STX7: variants seen among roughly 807,000 people sequenced by gnomAD.
STX7 encodes syntaxin-7.
In STX7, 34 loss-of-function variants were observed where a neutral mutation model predicts 39.6. That is an observed-to-expected ratio of 0.86 (90% CI 0.65 to 1.14). The LOEUF (loss-of-function observed/expected upper bound fraction) is 1.14, where lower values mean the gene tolerates loss of function less well. STX7 is among the 50% of genes most tolerant of loss of function. The pLI is 0.00. For missense variants in STX7, 284 were observed against 310.4 expected (o/e 0.92, Z 0.64); for synonymous variants, 119 against 99.1 (o/e 1.20, Z -1.19).
chr6:132,484,900 A>G lies in STX7; in HGVS notation c.86-9238T>C, dbSNP rs529816187. On this transcript the variant is annotated intron_variant, in intron 2 of 9. Transcript: ENST00000367941. ...TCTCAGCTGTCATAAACTTTAACCG[A>G]GAACAATATAGGTAGGCACCGTGTA... Among the ~76,000 whole-genome samples the G allele has an allele frequency of 2.3e-4, 35 of 152,330 alleles. 1 individual carries two copies. The highest frequency in any genetic ancestry group is 8.3e-4 in the South Asian group (4 of 4,824).
intron 2 of STX7, among the ~76,000 whole-genome samples, chr6:132,477,804 A>T (rs1456993433): frequency 6.6e-6 from 1 of 152,220 alleles, no homozygotes; most frequent in Non-Finnish European, 1.5e-5. Context: ...ACTGCAGGTT[A>T]TGATGAGGAA....
At chr6:132,497,337 C>A (rs1303960148) in intron 2 of STX7, among the ~76,000 whole-genome samples, 1 of 152,076 alleles carries the variant, frequency 6.6e-6, no homozygotes, top group Non-Finnish European at 1.5e-5. Flanking sequence ...ATTATTGATT[C>A]TATTAGATTA....
chr6:132,471,553 T>C lies in STX7; in HGVS notation c.297A>G (p.Thr99=). The change falls in exon 5 of 10, where the codon ACA becomes ACG. Residue 99 remains threonine, a synonymous_variant. Transcript: ENST00000367941. ...QKDRLVAEFT[T]SLTNFQKVQR... ...GGACCTTCTGGAAGTTTGTCAGTGA[T>C]GTTGTGAACTCTGCCACTAAGCGAT... 6.2e-7 allele frequency: 1 copy of C among 1,614,008 alleles called. No individual in the cohort carries two copies. Among genetic ancestry groups the C allele is most frequent in the Non-Finnish European group, 8.5e-7 (1 of 1,179,914 alleles).
chr6:132,466,304 G>A (rs536111710), intron 8 of STX7, among the ~76,000 whole-genome samples: 2 of 152,224 alleles, frequency 1.3e-5, no homozygotes, highest in Admixed American at 6.5e-5. Flanking sequence ...CTTCTAGGAC[G>A]ATGCATTCAT....
chr6:132,470,234 T>C (rs932767797), intron 6 of STX7, among the ~76,000 whole-genome samples, 187 bp from the exon 7 acceptor site: 4 of 152,196 alleles, frequency 2.6e-5, no homozygotes, highest in African/African-American at 4.8e-5. Flanking sequence ...ATTTCACTTA[T>C]ATCATTTTAG....
chr6:132,489,458 T>G (rs1775224140), intron 2 of STX7, among the ~76,000 whole-genome samples: 1 of 152,162 alleles, frequency 6.6e-6, no homozygotes, highest in African/African-American at 2.4e-5. Flanking sequence ...GTAGAAAAAC[T>G]TCCTGGAGAA....
In STX7 at chr6:132,471,626, A is replaced by T. The variant is rs771466581; in HGVS notation, c.250-26T>A. Reference sequence around the variant, plus strand: ...CTAGAGGAAAGAGAAGAAAAAGCCAACTAGAATCTAGCTGTGAAGTTCAAC... The same window carrying T: ...CTAGAGGAAAGAGAAGAAAAAGCCATCTAGAATCTAGCTGTGAAGTTCAAC... On this transcript the variant is annotated intron_variant, in intron 4 of 9. Transcript: ENST00000367941. 2.5e-6 allele frequency: 4 copies of T among 1,605,638 alleles called. No homozygotes were observed. In the African/African-American group the frequency reaches 5.4e-5, roughly 22 times the overall value.
intron 2 of STX7, among the ~76,000 whole-genome samples, chr6:132,501,891 A>G (rs909155131): frequency 2.0e-5 from 3 of 151,846 alleles, no homozygotes; most frequent in African/African-American, 7.3e-5. Flanking sequence ...AAAAAAAAAG[A>G]AAAGGAAAGA....
chr6:132,500,175 G>A (rs949450167), intron 2 of STX7, among the ~76,000 whole-genome samples: 4 of 152,086 alleles, frequency 2.6e-5, no homozygotes, highest in African/African-American at 9.7e-5. Flanking sequence ...CTAAGCAGCA[G>A]CCAAAGTAAT....
intron 9 of STX7, chr6:132,461,763 G>T (rs558492497): frequency 1.9e-5 from 27 of 1,428,002 alleles, no homozygotes; most frequent in Non-Finnish European, 2.2e-5. Flanking sequence ...ATTGAAAACC[G>T]AATGGTTAAG....
chr6:132,460,888 G>T, intron 9 of STX7, 38 bp from the exon 10 acceptor site: 1 of 1,575,148 alleles, frequency 6.3e-7, no homozygotes. Flanking sequence ...AAAAAAACAT[G>T]TTTACAGATT....
At chr6:132,512,266 A>G (rs1775865542) in intron 1 of STX7, among the ~76,000 whole-genome samples, 1 of 150,630 alleles carries the variant, frequency 6.6e-6, no homozygotes, top group South Asian at 2.1e-4. Context: ...ACGTATACAG[A>G]TAAGAGCCAA....
intron 2 of STX7, among the ~76,000 whole-genome samples, chr6:132,478,631 T>C (rs1284250983): frequency 6.6e-6 from 1 of 152,158 alleles, no homozygotes; most frequent in Non-Finnish European, 1.5e-5. Flanking sequence ...AACCGGCCTA[T>C]CTGGAGAATG....
chr6:132,506,909 A>G (rs565254089), intron 1 of STX7, among the ~76,000 whole-genome samples: 2 of 152,238 alleles, frequency 1.3e-5, no homozygotes, highest in Non-Finnish European at 2.9e-5. Flanking sequence ...TCAAGTGTCT[A>G]TTAACATTCC....
intron 9 of STX7, 79 bp downstream of exon 9, chr6:132,463,914 C>G: frequency 7.3e-7 from 1 of 1,369,546 alleles, no homozygotes; most frequent in Non-Finnish European, 1.0e-6. Context: ...CCTAATCTCT[C>G]CCTGCTTCCT....
chr6:132,497,821 A>G (rs1265049087), intron 2 of STX7, among the ~76,000 whole-genome samples: 1 of 152,224 alleles, frequency 6.6e-6, no homozygotes, highest in Non-Finnish European at 1.5e-5. Flanking sequence ...GAAAATATGG[A>G]GAAATGATAG....
At position 132,455,920 on chromosome 6, in the gene STX7, A is replaced by G. The variant is rs1288075082; in HGVS notation, c.*4838T>C. 1 of 152,200 alleles carries G rather than the reference A, an allele frequency of 6.6e-6. No homozygotes were observed. The highest frequency in any genetic ancestry group is 1.5e-5 in the Non-Finnish European group (1 of 68,026). 9.4% of individuals were successfully genotyped at this position (152,200 alleles called of 1,614,324 possible). On this transcript the variant is annotated 3_prime_UTR_variant, in exon 10 of 10. Transcript: ENST00000367941. ...CAAGGGATGGGTAGGGTTAAATTAAAAACATTTTAAGAAACATTTCTTTAT... is the reference window on the plus strand; with the variant it reads ...CAAGGGATGGGTAGGGTTAAATTAAGAACATTTTAAGAAACATTTCTTTAT...
intron 5 of STX7, 97 bp from the exon 6 acceptor site, chr6:132,470,723 T>C: frequency 1.2e-6 from 1 of 803,906 alleles, no homozygotes. Flanking sequence ...TAAACTAAAC[T>C]GATTTATGTA....
Position 132,471,573 on chromosome 6 carries a change from A to C in STX7, c.277T>G (p.Leu93Val). The C allele has an allele frequency of 6.2e-7, 1 of 1,613,892 alleles. No homozygotes were observed. Among genetic ancestry groups the C allele is most frequent in the African/African-American group, 1.3e-5 (1 of 75,032 alleles). ...AGTGATGTTGTGAACTCTGCCACTAAGCGATCCTTCTGTATTTTCCTTTGA... is the reference window on the plus strand; with the variant it reads ...AGTGATGTTGTGAACTCTGCCACTACGCGATCCTTCTGTATTTTCCTTTGA... ...QRQRKIQKDR[L>V]VAEFTTSLTN... Residue 93 changes from leucine to valine, a missense_variant, in exon 5 of 10, where the codon TTA becomes GTA. Leu to Val is a conservative substitution (Grantham distance 32). Coordinates refer to ENST00000367941, the MANE Select transcript of STX7 (RefSeq NM_003569.3).
Sources: allele counts gnomAD v4.1 joint callset (sites outside exome capture counted in the v4.1 genomes callset), GRCh38; gene constraint gnomAD v4.1.1; transcripts MANE v1.5; gene names NCBI Gene and HGNC (gene_info 2026-07-23, HGNC 2026-07-21).